Variants in OR7E24 observed in about 807,000 individuals in gnomAD.
OR7E24 encodes olfactory receptor family 7 subfamily E member 24.
For missense variants in OR7E24, 385 were observed against 410.3 expected (o/e 0.94, Z 0.53); for synonymous variants, 130 against 157.5 (o/e 0.83, Z 1.31).
At chr19:9,209,873 T>G in the OR7E24 span, 1 of 152,110 alleles carries the variant, frequency 6.6e-6, no homozygotes, top group Non-Finnish European at 1.5e-5. Context: ...CAGGCTAATC[T>G]CGAACTCTTG....
the OR7E24 span, chr19:9,211,551 AATG>A: frequency 6.6e-6 from 1 of 152,196 alleles, no homozygotes; most frequent in Non-Finnish European, 1.5e-5. Context: ...GAACTTCAAG[AATG>A]AAAGTAGTGG....
chr19:9,221,099 C>T, the OR7E24 span, among the ~76,000 whole-genome samples: 1 of 151,752 alleles, frequency 6.6e-6, no homozygotes, highest in South Asian at 2.1e-4. Flanking sequence ...GGTGAAACCC[C>T]GTCCCTACTA....
rs373369167 is a variant in OR7E24, at chr19:9,251,927, T to G, written c.884T>G (p.Met295Arg). 2 of 1,614,190 alleles carry G rather than the reference T, an allele frequency of 1.2e-6. No individual in the cohort carries two copies. The highest frequency in any genetic ancestry group is 4.5e-5 in the East Asian group (2 of 44,886). ...SPRKSMVASV[M>R]YTVVTPMLNP... The stretch of plus-strand genomic sequence containing the variant: ...AGGAAGAGTATGGTGGCTTCAGTGA[T>G]GTACACTGTGGTCACCCCCATGCTG... Residue 295 changes from methionine to arginine, a missense_variant, in exon 1 of 1, where the codon ATG becomes AGG. Transcript: ENST00000456448.
chr19:9,206,755 A>G, the OR7E24 span: 2 of 152,222 alleles, frequency 1.3e-5, no homozygotes, highest in Non-Finnish European at 2.9e-5. Flanking sequence ...TGTATTTCAA[A>G]TTTAAGTTAA....
Position 9,251,022 on chromosome 19 carries a change from A to C in OR7E24, c.-22A>C. The stretch of plus-strand genomic sequence containing the variant: ...TTGCTTGTATCCAAAATATAGACAC[A>C]GTGCTAGATGCTGGTTTACTTATGT... On this transcript the variant is annotated 5_prime_UTR_variant, in exon 1 of 1. Transcript: ENST00000456448. The C allele has an allele frequency of 1.3e-6, 2 of 1,502,848 alleles. No individual in the cohort carries two copies. The highest frequency in any genetic ancestry group is 1.8e-6 in the Non-Finnish European group (2 of 1,122,012). 93.1% of individuals were successfully genotyped at this position (1,502,848 alleles called of 1,614,324 possible).
the OR7E24 span, among the ~76,000 whole-genome samples, chr19:9,233,047 C>G: frequency 1.3e-5 from 2 of 152,108 alleles, no homozygotes; most frequent in African/African-American, 4.8e-5. Flanking sequence ...GTCCCAATTA[C>G]TAAGCTCTCT....
chr19:9,222,203 C>T, the OR7E24 span, among the ~76,000 whole-genome samples: 1 of 152,130 alleles, frequency 6.6e-6, no homozygotes, highest in Admixed American at 6.5e-5. Context: ...CAGCACCATG[C>T]TGTTTTGGAT....
the OR7E24 span, among the ~76,000 whole-genome samples, chr19:9,241,539 T>G: frequency 1.0e-3 from 152 of 152,120 alleles, no homozygotes; most frequent in African/African-American, 3.4e-3. Context: ...CTGAGGTGGG[T>G]GGATCACTTG....
At chr19:9,230,078 C>G in the OR7E24 span, among the ~76,000 whole-genome samples, 1 of 146,872 alleles carries the variant, frequency 6.8e-6, no homozygotes, top group Non-Finnish European at 1.5e-5. Context: ...GAATTTTGCT[C>G]TTATTACCCA....
the OR7E24 span, chr19:9,214,318 T>A: frequency 1.2e-6 from 2 of 1,613,964 alleles, no homozygotes; most frequent in Admixed American, 1.7e-5. Flanking sequence ...AAATGCGGAA[T>A]CTCAGTGCCT....
the OR7E24 span, among the ~76,000 whole-genome samples, chr19:9,215,796 T>C: frequency 6.6e-6 from 1 of 152,228 alleles, no homozygotes; most frequent in African/African-American, 2.4e-5. Flanking sequence ...AGGTATAGCA[T>C]AGAGCTGTGA....
the OR7E24 span, among the ~76,000 whole-genome samples, chr19:9,225,953 T>C: frequency 6.6e-6 from 1 of 152,216 alleles, no homozygotes; most frequent in East Asian, 1.9e-4. Context: ...CTGTATTCAT[T>C]ACTATGTTTG....
In OR7E24 at chr19:9,251,848, T is replaced by C. The variant is rs753380759; in HGVS notation, c.805T>C (p.Phe269Leu). The change falls in exon 1 of 1, where the codon TTT becomes CTT. Residue 269 changes from phenylalanine to leucine, a missense_variant. Phe to Leu is a conservative substitution (Grantham distance 22, BLOSUM62 0). Transcript: ENST00000456448. Reference sequence around the variant, plus strand: ...CTCTCACCTGGCAGTTGTTTGCTTATTTTATGGAACAGGGCTTGTAGGGTA... The same window carrying C: ...CTCTCACCTGGCAGTTGTTTGCTTACTTTATGGAACAGGGCTTGTAGGGTA... Reference protein sequence around the residue: ...CGSHLAVVCLFYGTGLVGYLS... With the variant: ...CGSHLAVVCLLYGTGLVGYLS... The C allele has an allele frequency of 8.7e-6, 14 of 1,613,990 alleles. No individual in the cohort carries two copies. In the African/African-American group the frequency reaches 1.7e-4, roughly 20 times the overall value.
At chr19:9,229,176 G>A in the OR7E24 span, among the ~76,000 whole-genome samples, 7 of 152,258 alleles carry the variant, frequency 4.6e-5, no homozygotes, top group East Asian at 1.4e-3. Flanking sequence ...AATCTCCAAA[G>A]TTTCTTCAAG....
chr19:9,236,112 C>A, the OR7E24 span: 1 of 1,147,532 alleles, frequency 8.7e-7, no homozygotes. Flanking sequence ...TAAGAGGATG[C>A]TATGGGTCCC....
the OR7E24 span, among the ~76,000 whole-genome samples, chr19:9,231,982 T>G: frequency 1.7e-3 from 257 of 152,304 alleles, no homozygotes; most frequent in Non-Finnish European, 2.9e-3. Context: ...ATACAGGAGC[T>G]AAAAAGAAAT....
chr19:9,251,184 G>T lies in OR7E24; in HGVS notation c.141G>T (p.Gly47=), dbSNP rs866481362. The T allele has an allele frequency of 1.9e-6, 3 of 1,613,904 alleles. No homozygotes were observed. The highest frequency in any genetic ancestry group is 1.3e-5 in the African/African-American group (1 of 74,968). The stretch of plus-strand genomic sequence containing the variant: ...CAGAACTGCAGCCGGTCCTCGCTGG[G>T]CTGTTCCTGTCCATGTACCTGGTCA... ...EDPELQPVLA[G]LFLSMYLVTV... The change falls in exon 1 of 1, where the codon GGG becomes GGT. Residue 47 remains glycine (G), a synonymous_variant. Transcript: ENST00000456448.
At chr19:9,243,952 C>T (rs2066122800), upstream of OR7E24, among the ~76,000 whole-genome samples, 1 of 152,182 alleles carries the variant, frequency 6.6e-6, no homozygotes, top group African/African-American at 2.4e-5. Flanking sequence ...AGCCCCAGTC[C>T]CTGTGCAGGA....
the OR7E24 span, among the ~76,000 whole-genome samples, chr19:9,215,537 T>C: frequency 1.3e-5 from 2 of 152,088 alleles, no homozygotes; most frequent in Admixed American, 1.3e-4. Context: ...GTTATTAAGT[T>C]GTGGATTTTC....
Sources: allele counts gnomAD v4.1 joint callset (sites outside exome capture counted in the v4.1 genomes callset), GRCh38; gene constraint gnomAD v4.1.1; transcripts MANE v1.5; gene names NCBI Gene and HGNC (gene_info 2026-07-23, HGNC 2026-07-21).